The following MAP3K4 variants were observed in gnomAD, a reference collection of about 807,000 sequenced individuals.
MAP3K4 encodes the protein MAP three kinase 1.
Under a neutral mutation model 185.6 loss-of-function variants are expected in MAP3K4, and 67 were observed. The ratio of observed to expected loss-of-function variants is 0.36; its 90% confidence interval spans 0.30 to 0.44. MAP3K4 has a LOEUF of 0.44. Ranked by LOEUF, MAP3K4 falls within the 20% of genes least tolerant of loss-of-function variation. The pLI is 1.00. For missense variants in MAP3K4, 1,551 were observed against 1,995.1 expected (o/e 0.78, Z 4.24); for synonymous variants, 702 against 710.4 (o/e 0.99, Z 0.19).
chr6:161,077,024 G>C lies in MAP3K4; in HGVS notation c.2097+3412G>C, dbSNP rs1785207245. On this transcript the variant is annotated intron_variant, in intron 5 of 26. Coordinates refer to ENST00000392142, the MANE Select transcript of MAP3K4 (RefSeq NM_005922.4). The surrounding 1 kb of genome is among the most constrained non-coding windows in gnomAD (Gnocchi z 4.3). ...TTGTGGAGGTCAGGCTTCTCTGAGG[G>C]GGGAGCATTGCAACTTATCGGAAAT... 6.6e-6 allele frequency among the ~76,000 whole-genome samples: 1 copy of C among 152,148 alleles called. No homozygotes were observed. Among genetic ancestry groups the C allele is most frequent in the Admixed American group, 6.5e-5 (1 of 15,282 alleles).
Position 161,049,027 on chromosome 6 carries a change from C to T in MAP3K4, c.755C>T (p.Thr252Met), listed in dbSNP as rs767318426. The change falls in exon 3 of 27, where the codon ACG becomes ATG. Residue 252 changes from threonine to methionine, a missense_variant. By Grantham distance (81) the Thr-to-Met change is moderately conservative. This residue lies in a region of MAP3K4 where 69 missense variants were observed against 124.8 expected (regional missense o/e 0.55). Coordinates refer to ENST00000392142, the MANE Select transcript of MAP3K4 (RefSeq NM_005922.4). This position sits in a 1 kb window ranked among gnomAD's most constrained non-coding sequence, Gnocchi z 8.4. ...AGGGAGCAAAGAGGACAAGAAAATACGTCTGGTTTCTGGCTTAACCGATCT... is the reference window on the plus strand; with the variant it reads ...AGGGAGCAAAGAGGACAAGAAAATATGTCTGGTTTCTGGCTTAACCGATCT... ...KDREQRGQEN[T>M]SGFWLNRSNE... 3.1e-6 allele frequency: 5 copies of T among 1,613,840 alleles called. No homozygotes were observed. The highest frequency in any genetic ancestry group is 2.5e-6 in the Non-Finnish European group (3 of 1,179,882).
chr6:161,054,040 A>G lies in MAP3K4; in HGVS notation c.1707+4061A>G, dbSNP rs1050659336. On this transcript the variant is annotated intron_variant, in intron 3 of 26. Transcript: ENST00000392142. This position sits in a 1 kb window ranked among gnomAD's most constrained non-coding sequence, Gnocchi z 4.2. ...TTGTAGAAAAGAAGAAATACACGTG[A>G]TGTTTGATTTTTCTTATCTATGTCT... Among the ~76,000 whole-genome samples the G allele has an allele frequency of 1.5e-4, 23 of 152,208 alleles. No homozygotes were observed. Among genetic ancestry groups the G allele is most frequent in the African/African-American group, 5.5e-4 (23 of 41,444 alleles).
At chr6:161,068,656 A>G (rs994195246) in intron 3 of MAP3K4, among the ~76,000 whole-genome samples, 1 of 152,228 alleles carries the variant, frequency 6.6e-6, no homozygotes, top group East Asian at 1.9e-4. Flanking sequence ...AAAGCAGTTG[A>G]AGATCCACTG....
At chr6:161,059,860 G>GC (rs1210542077) in intron 3 of MAP3K4, among the ~76,000 whole-genome samples, 1 of 83,074 alleles carries the variant, frequency 1.2e-5, no homozygotes, top group Non-Finnish European at 2.7e-5. Context: ...GATTCCCCCT[G>GC]CCTTTTTTTT....
rs1203224362 is a variant in MAP3K4 at position 161,084,215 on chromosome 6, G to A, written c.2256-286G>A. ...TTTTATGGAAAATTTCCATTTAGAT[G>A]GAAATAACATTTGTGTACTAATTCC... On this transcript the variant is annotated intron_variant, in intron 6 of 26. Transcript: ENST00000392142. This position sits in a 1 kb window ranked among gnomAD's most constrained non-coding sequence, Gnocchi z 4.6. 2.0e-5 allele frequency among the ~76,000 whole-genome samples: 3 copies of A among 152,104 alleles called. No homozygotes were observed. The East Asian group carries it at 5.8e-4, about 29-fold the overall frequency.
Position 161,091,927 on chromosome 6 carries a change from A to G in MAP3K4, c.3136-83A>G. 1 of 1,178,270 alleles carries G rather than the reference A, an allele frequency of 8.5e-7. No homozygotes were observed. The highest frequency in any genetic ancestry group is 1.2e-6 in the Non-Finnish European group (1 of 825,244). The allele number at this position is 1,178,270 out of a possible 1,614,324, so 73.0% of individuals were successfully genotyped here. A position where few individuals can be genotyped will look rare whatever the true frequency, so the allele number is the denominator to read the frequency against. On this transcript the variant is annotated intron_variant, in intron 12 of 26. Coordinates refer to ENST00000392142, the MANE Select transcript of MAP3K4 (RefSeq NM_005922.4). This position sits in a 1 kb window ranked among gnomAD's most constrained non-coding sequence, Gnocchi z 5.5. ...GGATTTCACTTTTTGTTTTTAGAAA[A>G]CATTTTAGACATGGCATTATAGTGT...
At chr6:161,042,813 G>A (rs950907171) in intron 2 of MAP3K4, among the ~76,000 whole-genome samples, 9 of 152,092 alleles carry the variant, frequency 5.9e-5, no homozygotes, top group Admixed American at 5.2e-4. Context: ...GCTTCATTTT[G>A]CATTTCTATT....
In MAP3K4 at chr6:160,996,773, T is replaced by A. The variant is rs543910248; in HGVS notation, c.152+4690T>A. 1.4e-4 allele frequency among the ~76,000 whole-genome samples: 22 copies of A among 152,344 alleles called. No individual in the cohort carries two copies. Among genetic ancestry groups the A allele is most frequent in the African/African-American group, 5.3e-4 (22 of 41,584 alleles). On this transcript the variant is annotated intron_variant, in intron 1 of 26. Transcript: ENST00000392142. This position sits in a 1 kb window ranked among gnomAD's most constrained non-coding sequence, Gnocchi z 4.5. ...TCAGGCACAGATACTCAGCTTTGTC[T>A]GTACACCTGGTTAGTCAGTGTATTC...
chr6:161,112,017 G>C lies in MAP3K4; in HGVS notation c.4519+59G>C. ...ACTTCATGCAGCCTGCTTGGGGCCT[G>C]CATGTTCCCTTCACCTTTGTTTGTC... On this transcript the variant is annotated intron_variant, in intron 24 of 26. Coordinates refer to ENST00000392142, the MANE Select transcript of MAP3K4 (RefSeq NM_005922.4). The surrounding 1 kb of genome is among the most constrained non-coding windows in gnomAD (Gnocchi z 5.1). 6.3e-7 allele frequency: 1 copy of C among 1,591,728 alleles called. No individual in the cohort carries two copies. Among genetic ancestry groups the C allele is most frequent in the Non-Finnish European group, 8.6e-7 (1 of 1,167,822 alleles).
rs547529236 is a variant in MAP3K4, at chr6:161,008,488, C to T, written c.152+16405C>T. 1.1e-4 allele frequency among the ~76,000 whole-genome samples: 17 copies of T among 152,148 alleles called. No individual in the cohort carries two copies. The highest frequency in any genetic ancestry group is 4.1e-4 in the African/African-American group (17 of 41,500). On this transcript the variant is annotated intron_variant, in intron 1 of 26. Transcript: ENST00000392142. The surrounding 1 kb of genome is among the most constrained non-coding windows in gnomAD (Gnocchi z 4.1). The stretch of plus-strand genomic sequence containing the variant: ...TTACGTATAATGGGAGCTGTATAAG[C>T]GTTGACATAATGTGGTAATAGATGA...
chr6:161,074,055 G>T lies in MAP3K4; in HGVS notation c.2097+443G>T, dbSNP rs1785064698. 6.6e-6 allele frequency among the ~76,000 whole-genome samples: 1 copy of T among 152,158 alleles called. No individual in the cohort carries two copies. The highest frequency in any genetic ancestry group is 2.4e-5 in the African/African-American group (1 of 41,440). ...TAGGATGTGCTAGGGACCTTGCATG[G>T]CTCTGGGAGTGTTGAAGATCAACAA... On this transcript the variant is annotated intron_variant, in intron 5 of 26. Coordinates refer to ENST00000392142, the MANE Select transcript of MAP3K4 (RefSeq NM_005922.4). This position sits in a 1 kb window ranked among gnomAD's most constrained non-coding sequence, Gnocchi z 5.0.
chr6:161,041,234 A>G lies in MAP3K4; in HGVS notation c.343+6785A>G, dbSNP rs186384740. ...TCTAGGATTCACTTTCTCAGGACCC[A>G]ACCTGACTACCTATCGGCAAATCCA... On this transcript the variant is annotated intron_variant, in intron 2 of 26. Transcript: ENST00000392142. Among the ~76,000 whole-genome samples the G allele has an allele frequency of 1.5e-3, 228 of 152,314 alleles. 1 individual carries two copies. Among genetic ancestry groups the G allele is most frequent in the African/African-American group, 5.2e-3 (216 of 41,574 alleles).
At chr6:161,019,655 C>A (rs911180319) in intron 1 of MAP3K4, among the ~76,000 whole-genome samples, 1 of 152,168 alleles carries the variant, frequency 6.6e-6, no homozygotes, top group Non-Finnish European at 1.5e-5. Context: ...GTGATCCACC[C>A]GCATTGGCCT....
Position 161,096,436 on chromosome 6 carries a change from T to C in MAP3K4, c.3428-644T>C, listed in dbSNP as rs555326742. On this transcript the variant is annotated intron_variant, in intron 15 of 26. Transcript: ENST00000392142. This position sits in a 1 kb window ranked among gnomAD's most constrained non-coding sequence, Gnocchi z 4.9. ...TGACGCATGTCCACTAATACTGACATCTAGTTATTGGGAAAGTGGAATTAT... is the reference window on the plus strand; with the variant it reads ...TGACGCATGTCCACTAATACTGACACCTAGTTATTGGGAAAGTGGAATTAT... 6.6e-6 allele frequency among the ~76,000 whole-genome samples: 1 copy of C among 152,250 alleles called. No homozygotes were observed. The highest frequency in any genetic ancestry group is 6.5e-5 in the Admixed American group (1 of 15,288).
At position 161,091,618 on chromosome 6, in the gene MAP3K4, A is replaced by G. The variant is rs1403611985; in HGVS notation, c.3135+78A>G. ...TTACAGAAAGTTTTTGGAACCTTTTACAGTAAATCTGATATTGTAATCATA... is the reference window on the plus strand; with the variant it reads ...TTACAGAAAGTTTTTGGAACCTTTTGCAGTAAATCTGATATTGTAATCATA... On this transcript the variant is annotated intron_variant, in intron 12 of 26. Transcript: ENST00000392142. The surrounding 1 kb of genome is among the most constrained non-coding windows in gnomAD (Gnocchi z 5.5). 2 of 1,241,536 alleles carry G rather than the reference A, an allele frequency of 1.6e-6. No individual in the cohort carries two copies. The highest frequency in any genetic ancestry group is 1.5e-5 in the African/African-American group (1 of 66,308). 76.9% of individuals were successfully genotyped at this position (1,241,536 alleles called of 1,614,324 possible).
At chr6:161,078,415 A>C (rs1003419718) in intron 5 of MAP3K4, among the ~76,000 whole-genome samples, 1 of 152,172 alleles carries the variant, frequency 6.6e-6, no homozygotes, top group African/African-American at 2.4e-5. Context: ...TTGAAAGGAT[A>C]AGCCCATGGG....
intron 1 of MAP3K4, among the ~76,000 whole-genome samples, chr6:161,009,377 A>C (rs986763390): frequency 1.3e-5 from 2 of 152,162 alleles, no homozygotes; most frequent in Admixed American, 1.3e-4. Flanking sequence ...TTTATCTTGC[A>C]AAACTGAAAC....
In MAP3K4 at chr6:161,109,386, A is replaced by G. The variant is rs1778246982; in HGVS notation, c.4237-369A>G. 6.6e-6 allele frequency among the ~76,000 whole-genome samples: 1 copy of G among 152,190 alleles called. No individual in the cohort carries two copies. Among genetic ancestry groups the G allele is most frequent in the Admixed American group, 6.5e-5 (1 of 15,274 alleles). ...ATGGATCATTTTTAATGTTTTTACA[A>G]ATTATGTTTAAAAAGGATGTGTTTC... On this transcript the variant is annotated intron_variant, in intron 22 of 26. Transcript: ENST00000392142. This position sits in a 1 kb window ranked among gnomAD's most constrained non-coding sequence, Gnocchi z 5.7.
Position 161,007,416 on chromosome 6 carries a change from A to G in MAP3K4, c.152+15333A>G, listed in dbSNP as rs941442225. Among the ~76,000 whole-genome samples, 2 of 152,106 alleles carry G rather than the reference A, an allele frequency of 1.3e-5. No individual in the cohort carries two copies. Among genetic ancestry groups the G allele is most frequent in the African/African-American group, 4.8e-5 (2 of 41,374 alleles). On this transcript the variant is annotated intron_variant, in intron 1 of 26. Coordinates refer to ENST00000392142, the MANE Select transcript of MAP3K4 (RefSeq NM_005922.4). This position sits in a 1 kb window ranked among gnomAD's most constrained non-coding sequence, Gnocchi z 4.5. ...GGCTAATTTTACAATATGCAAGGAC[A>G]TGGTGGTCCTTTGAGGTTAGCCATT...
Sources: gnomAD v4.1 joint callset for allele counts (sites outside exome capture counted in the v4.1 genomes callset) on GRCh38, gnomAD v4.1.1 for gene constraint, gnomAD v4.1.1 regional missense constraint, Gnocchi (gnomAD v3.1) non-coding constraint, MANE v1.5 for transcripts, NCBI Gene and HGNC (gene_info 2026-07-23, HGNC 2026-07-21) for gene names.